TNFAIP8: variants seen among roughly 807,000 people sequenced by gnomAD.
TNFAIP8 encodes tumor necrosis factor alpha-induced protein 8.
In TNFAIP8, 7 loss-of-function variants were observed where a neutral mutation model predicts 13.3. The observed-to-expected ratio is 0.52, with a 90% CI of 0.30 to 0.99. The LOEUF is 0.99. TNFAIP8 is among the 50% of genes least tolerant of loss of function. The pLI, the probability that TNFAIP8 is intolerant of heterozygous loss-of-function variation, is 0.07. For missense variants in TNFAIP8, 258 were observed against 236.9 expected, an observed-to-expected ratio of 1.09 and a Z score of -0.58; for synonymous variants, 94 against 87.6, an observed-to-expected ratio of 1.07 and a Z score of -0.41.
At chr5:119,306,907 T>A (rs1333120885) in intron 1 of TNFAIP8, among the ~76,000 whole-genome samples, 1 of 152,204 alleles carries the variant, frequency 6.6e-6, no homozygotes, top group Non-Finnish European at 1.5e-5. Context: ...TAAAAGTAGC[T>A]TCCCAGAAAT....
At chr5:119,351,814 G>A (rs565980384), upstream of TNFAIP8, among the ~76,000 whole-genome samples, 4 of 126,580 alleles carry the variant, frequency 3.2e-5, no homozygotes, top group East Asian at 8.1e-4. Context: ...TTTTGAGATG[G>A]TGTCTCACTC....
chr5:119,319,755 G>A (rs952739330), intron 1 of TNFAIP8, among the ~76,000 whole-genome samples: 4 of 152,246 alleles, frequency 2.6e-5, no homozygotes, highest in East Asian at 1.9e-4. Flanking sequence ...AAAGAACGCC[G>A]AGGTGGATTT....
At position 119,397,148 on chromosome 5, in the gene TNFAIP8, C is replaced by G. The variant is rs1303834358; in HGVS notation, c.*3767C>G. ...GAATACACACACACACACACACACA[C>G]ACACAATTTTTAAGCCCCCAAAGGC... is the stretch of plus-strand genomic sequence containing the variant. On this transcript the variant is annotated 3_prime_UTR_variant, in exon 2 of 2. Transcript: ENST00000504771. The G allele has an allele frequency of 6.6e-6, 1 of 151,880 alleles. No homozygotes were observed. The highest frequency in any genetic ancestry group is 1.9e-4 in the East Asian group (1 of 5,196). The allele number at this position is 151,880 out of a possible 1,614,324, so 9.4% of individuals were successfully genotyped here. A position where few individuals can be genotyped will look rare whatever the true frequency, so the allele number is the denominator to read the frequency against.
chr5:119,322,426 T>C (rs555406628), intron 1 of TNFAIP8, among the ~76,000 whole-genome samples: 6 of 152,362 alleles, frequency 3.9e-5, no homozygotes, highest in African/African-American at 9.6e-5. Flanking sequence ...GCTAAGTTTA[T>C]CTCAGAACCT....
chr5:119,306,991 A>G (rs1252784127), intron 1 of TNFAIP8, among the ~76,000 whole-genome samples: 1 of 152,150 alleles, frequency 6.6e-6, no homozygotes. Context: ...TTTTTTGTGG[A>G]CTCTTAAGAT....
At chr5:119,362,683 C>A (rs1261496346) in intron 1 of TNFAIP8, among the ~76,000 whole-genome samples, 1 of 151,688 alleles carries the variant, frequency 6.6e-6, no homozygotes. Context: ...GTAGTCCCAG[C>A]TACTTGGGAA....
At chr5:119,367,867 CAT>C (rs1751920386) in intron 1 of TNFAIP8, among the ~76,000 whole-genome samples, 1 of 152,094 alleles carries the variant, frequency 6.6e-6, no homozygotes, top group East Asian at 1.9e-4. Flanking sequence ...CTTTACCTGA[CAT>C]ATTCTATTAT....
At chr5:119,292,685 T>TATATATATATATATATATAC (rs1470227218) in intron 1 of TNFAIP8, among the ~76,000 whole-genome samples, 1 of 52,320 alleles carries the variant, frequency 1.9e-5, no homozygotes, top group African/African-American at 5.3e-5. Flanking sequence ...TATATATATA[T>TATATATATATATATATATAC]ACACACACAC....
At chr5:119,350,619 C>A (rs952975055) in intron 1 of TNFAIP8, among the ~76,000 whole-genome samples, 2 of 152,206 alleles carry the variant, frequency 1.3e-5, no homozygotes, top group Non-Finnish European at 2.9e-5. Flanking sequence ...GCCTAGGAAA[C>A]AAGCACATCC....
intron 1 of TNFAIP8, among the ~76,000 whole-genome samples, chr5:119,307,911 T>C (rs1749614970): frequency 6.6e-6 from 1 of 152,202 alleles, no homozygotes; most frequent in Non-Finnish European, 1.5e-5. Context: ...TATCAGTAGC[T>C]AGTACTGTCC....
chr5:119,297,445 G>A (rs1297331759), intron 1 of TNFAIP8, among the ~76,000 whole-genome samples: 1 of 152,126 alleles, frequency 6.6e-6, no homozygotes, highest in Admixed American at 6.5e-5. Flanking sequence ...CTGAGTTCTA[G>A]TTTGATTGCA....
At chr5:119,282,919 C>T (rs1330945946) in intron 1 of TNFAIP8, among the ~76,000 whole-genome samples, 1 of 152,258 alleles carries the variant, frequency 6.6e-6, no homozygotes, top group Non-Finnish European at 1.5e-5. Flanking sequence ...TCAACTTATA[C>T]ACTGTGTTCA....
chr5:119,355,270 C>G, upstream of TNFAIP8: 1 of 700,392 alleles, frequency 1.4e-6, no homozygotes, highest in Non-Finnish European at 2.6e-6. Flanking sequence ...CGTGCTCTCC[C>G]CCTGAGGAAG....
intron 1 of TNFAIP8, among the ~76,000 whole-genome samples, chr5:119,368,087 A>G (rs965040515): frequency 6.6e-6 from 1 of 152,206 alleles, no homozygotes; most frequent in Non-Finnish European, 1.5e-5. Context: ...GCTTAAATTA[A>G]AAGTAGCAAG....
At chr5:119,318,595 C>T (rs148863813) in intron 1 of TNFAIP8, among the ~76,000 whole-genome samples, 1 of 152,146 alleles carries the variant, frequency 6.6e-6, no homozygotes, top group Non-Finnish European at 1.5e-5. Context: ...TGTGCCTAGC[C>T]TAGAACTAAA....
intron 1 of TNFAIP8, among the ~76,000 whole-genome samples, chr5:119,315,764 G>T (rs1453282828): frequency 6.6e-6 from 1 of 152,172 alleles, no homozygotes; most frequent in African/African-American, 2.4e-5. Flanking sequence ...GTTCCTGGTA[G>T]TGTCGTCTAT....
chr5:119,361,667 A>C (rs1357168669), intron 1 of TNFAIP8, among the ~76,000 whole-genome samples: 2 of 152,232 alleles, frequency 1.3e-5, no homozygotes, highest in Non-Finnish European at 2.9e-5. Flanking sequence ...GTTGACTGTC[A>C]AGAAGTGAAT....
At chr5:119,294,673 ACATCCT>A (rs1303089662) in intron 1 of TNFAIP8, among the ~76,000 whole-genome samples, 8 of 151,474 alleles carry the variant, frequency 5.3e-5, no homozygotes, top group Non-Finnish European at 1.0e-4. Context: ...GTGGGACTCC[ACATCCT>A]CTCCACATCC....
At chr5:119,369,533 A>G (rs983938586) in intron 1 of TNFAIP8, among the ~76,000 whole-genome samples, 2 of 152,220 alleles carry the variant, frequency 1.3e-5, no homozygotes, top group Admixed American at 6.5e-5. Flanking sequence ...GGACAGGCAT[A>G]TGATTCAGAG....
Sources: allele counts gnomAD v4.1 joint callset (sites outside exome capture counted in the v4.1 genomes callset), GRCh38; gene constraint gnomAD v4.1.1; transcripts MANE v1.5; gene names NCBI Gene and HGNC (gene_info 2026-07-23, HGNC 2026-07-21).